POU2F2: variants seen among roughly 807,000 people sequenced by gnomAD.
The protein encoded by POU2F2 is POU domain, class 2, transcription factor 2.
A neutral mutation model predicts 63.5 loss-of-function variants in POU2F2; 14 were observed. The observed-to-expected ratio is 0.22, with a 90% CI of 0.15 to 0.34. The LOEUF is 0.34. Ranked by LOEUF, POU2F2 falls within the 10% of genes least tolerant of loss-of-function variation. POU2F2 has a pLI of 1.00. For missense variants in POU2F2, 607 were observed against 815.2 expected (o/e 0.74, Z 3.11); for synonymous variants, 306 against 348.6 (o/e 0.88, Z 1.36).
At chr19:42,178,519 C>T (rs529000346), upstream of POU2F2, among the ~76,000 whole-genome samples, 33 of 151,920 alleles carry the variant, frequency 2.2e-4, no homozygotes, top group Non-Finnish European at 4.3e-4. Context: ...TATAGACCTG[C>T]GGAAACAGAC....
chr19:42,106,005 TTC>T (rs1491236943), intron 5 of POU2F2, among the ~76,000 whole-genome samples: 2 of 123,448 alleles, frequency 1.6e-5, no homozygotes, highest in Non-Finnish European at 3.6e-5. Context: ...TCTTTTTTCT[TTC>T]TTTCTTTCTT....
intron 12 of POU2F2, 93 bp downstream of exon 12, chr19:42,093,736 G>T: frequency 7.6e-7 from 1 of 1,311,978 alleles, no homozygotes; most frequent in Non-Finnish European, 1.1e-6. Context: ...CAGTCTTGAG[G>T]CCCATGGACA....
At chr19:42,178,903 A>G (rs1568426134), upstream of POU2F2, among the ~76,000 whole-genome samples, 1 of 152,200 alleles carries the variant, frequency 6.6e-6, no homozygotes, top group South Asian at 2.1e-4. Context: ...ATGCAGAGAC[A>G]TGGACAGAGA....
chr19:42,129,964 A>G (rs528893249), intron 1 of POU2F2, among the ~76,000 whole-genome samples: 27 of 152,348 alleles, frequency 1.8e-4, no homozygotes, highest in Non-Finnish European at 2.8e-4. Context: ...CACAGATTCC[A>G]GACAGGAATG....
rs752895592 is a variant in POU2F2 at position 42,092,081 on chromosome 19, T to C, written c.1454A>G (p.Asn485Ser). Residue 485 changes from asparagine to serine, a missense_variant, in exon 13 of 15, where the codon AAC (asparagine) becomes AGC (serine). Physicochemically the swap from Asn to Ser is conservative, Grantham distance 46. Around this residue, in one of 7 missense-constraint regions of POU2F2, gnomAD observed 270 missense variants for 307.5 expected, o/e 0.88. Transcript: ENST00000692977. This position sits in a 1 kb window ranked among gnomAD's most constrained non-coding sequence, Gnocchi z 5.0. ...SHSAIGLSGL[N>S]PSTGSTMVGL... ...TGCACCCACTTACCCCGTGCTGGGG[T>C]TCAGGCCTGACAAGCCGATAGCCGA... 1 of 1,597,512 alleles carries C rather than the reference T, an allele frequency of 6.3e-7. No individual in the cohort carries two copies. Among genetic ancestry groups the C allele is most frequent in the East Asian group, 2.2e-5 (1 of 44,546 alleles).
intron 2 of POU2F2, among the ~76,000 whole-genome samples, chr19:42,146,475 T>A (rs1366884518): frequency 6.6e-6 from 1 of 152,214 alleles, no homozygotes; most frequent in Non-Finnish European, 1.5e-5. Context: ...CCACCTTGAT[T>A]CACAACAATT....
intron 5 of POU2F2, chr19:42,110,602 T>C: frequency 3.0e-6 from 1 of 331,404 alleles, no homozygotes; most frequent in Non-Finnish European, 6.2e-6. Flanking sequence ...CCCAGCCTCC[T>C]TAACTGTACA....
At chr19:42,108,961 T>G (rs1213897189) in intron 5 of POU2F2, among the ~76,000 whole-genome samples, 1 of 152,218 alleles carries the variant, frequency 6.6e-6, no homozygotes, top group Admixed American at 6.5e-5. Context: ...AGGAGCCTCA[T>G]AGGTGATCAA....
upstream of POU2F2, among the ~76,000 whole-genome samples, chr19:42,179,403 C>A (rs1395356361): frequency 6.6e-6 from 1 of 151,968 alleles, no homozygotes; most frequent in Non-Finnish European, 1.5e-5. Flanking sequence ...GGCACAGGGT[C>A]TTGGGAGGGT....
chr19:42,125,582 C>T (rs2033124490), intron 1 of POU2F2, among the ~76,000 whole-genome samples: 1 of 152,152 alleles, frequency 6.6e-6, no homozygotes, highest in African/African-American at 2.4e-5. Context: ...CTCTAGTTCA[C>T]CCAGACCTTA....
chr19:42,146,574 G>A (rs1337182647), intron 2 of POU2F2, among the ~76,000 whole-genome samples: 2 of 152,110 alleles, frequency 1.3e-5, no homozygotes, highest in Non-Finnish European at 2.9e-5. Flanking sequence ...CCAGCTGTGA[G>A]GGGAGCCAAC....
chr19:42,149,218 G>A (rs923599488), intron 2 of POU2F2, among the ~76,000 whole-genome samples: 5 of 152,128 alleles, frequency 3.3e-5, no homozygotes, highest in Non-Finnish European at 5.9e-5. Flanking sequence ...CACACAGCGC[G>A]TCTGTGGCAG....
At chr19:42,167,367 T>C (rs1456658855) in intron 1 of POU2F2, among the ~76,000 whole-genome samples, 1 of 151,554 alleles carries the variant, frequency 6.6e-6, no homozygotes, top group Non-Finnish European at 1.5e-5. Flanking sequence ...GGCACAAGAA[T>C]CGCTTGAACC....
chr19:42,170,187 C>T (rs2034732662), intron 1 of POU2F2, among the ~76,000 whole-genome samples: 1 of 151,972 alleles, frequency 6.6e-6, no homozygotes, highest in Non-Finnish European at 1.5e-5. Context: ...AGGGAGATGC[C>T]CCCCTCATCC....
chr19:42,154,021 AC>A (rs1342248145), intron 2 of POU2F2, among the ~76,000 whole-genome samples: 8 of 145,602 alleles, frequency 5.5e-5, no homozygotes, highest in Admixed American at 6.8e-5. Flanking sequence ...GCTCCTCAAC[AC>A]CCCTGCTTTG....
At chr19:42,099,688 G>A in intron 6 of POU2F2, 28 bp downstream of exon 6, 2 of 1,601,516 alleles carry the variant, frequency 1.2e-6, no homozygotes, top group Non-Finnish European at 1.7e-6. Flanking sequence ...GGAGGCGTCA[G>A]GGAGGCCATC....
Position 42,149,102 on chromosome 19 carries a change from G to A in POU2F2, c.-9+11230C>T, listed in dbSNP as rs555982481. ...CCCTCCCTAGGAGACAGAGGACCCT[G>A]GGCTTTCAAGGCAACATAATCCACA... On this transcript the variant is annotated intron_variant, in intron 2 of 6. Transcript: ENST00000524801. Among the ~76,000 whole-genome samples, 5 of 152,220 alleles carry A rather than the reference G, an allele frequency of 3.3e-5. No homozygotes were observed. In the East Asian group the frequency reaches 9.6e-4, roughly 29 times the overall value.
chr19:42,091,690 G>C (rs1216014621), intron 14 of POU2F2, 99 bp from the exon 15 acceptor site: 1 of 1,551,214 alleles, frequency 6.4e-7, no homozygotes, highest in Non-Finnish European at 8.7e-7. Flanking sequence ...TCTCCCCATC[G>C]GTCCCACTGA....
At chr19:42,195,126 AGAGGGAGGAACGAAGG>A (rs1568430937) in intron 1 of POU2F2, among the ~76,000 whole-genome samples, 1 of 49,886 alleles carries the variant, frequency 2.0e-5, no homozygotes, top group African/African-American at 8.7e-5. Context: ...AGGAACGAAG[AGAGGGAGGAACGAAGG>A]GAGGGAGGGA....
Sources: gnomAD v4.1 joint callset for allele counts (sites outside exome capture counted in the v4.1 genomes callset) on GRCh38, gnomAD v4.1.1 for gene constraint, gnomAD v4.1.1 regional missense constraint, Gnocchi (gnomAD v3.1) non-coding constraint, MANE v1.5 for transcripts, NCBI Gene and HGNC (gene_info 2026-07-23, HGNC 2026-07-21) for gene names.